AQP3: variants seen among roughly 807,000 people sequenced by gnomAD.
AQP3 encodes aquaporin 3 (Gill blood group), also known as aquaporin-3.
In AQP3, 15 loss-of-function variants were observed where a neutral mutation model predicts 30.3. The observed-to-expected ratio is 0.49, with a 90% CI of 0.33 to 0.76. AQP3 has a LOEUF of 0.76. AQP3 is among the 30% of genes least tolerant of loss of function. The pLI, the probability that AQP3 is intolerant of heterozygous loss-of-function variation, is 0.02. For synonymous variants in AQP3, 153 were observed against 163.2 expected, an observed-to-expected ratio of 0.94 and a Z score of 0.47; for missense variants, 272 against 384.8, an observed-to-expected ratio of 0.71 and a Z score of 2.45.
Position 33,447,011 on chromosome 9 carries a change from C to G in AQP3, c.108+412G>C, listed in dbSNP as rs1826922677. Among the ~76,000 whole-genome samples, 4 of 152,198 alleles carry G rather than the reference C, an allele frequency of 2.6e-5. No individual in the cohort carries two copies. The South Asian group carries it at 8.3e-4, about 32-fold the overall frequency. On this transcript the variant is annotated intron_variant, in intron 1 of 5. Coordinates refer to ENST00000297991, the MANE Select transcript of AQP3 (RefSeq NM_004925.5). ...GGCCAGACACCCAGGACCCAAATAA[C>G]CTAATAATGGCTCATTTGCCTCCGC...
intron 1 of AQP3, among the ~76,000 whole-genome samples, chr9:33,446,426 C>A (rs964960215): frequency 2.6e-5 from 4 of 152,166 alleles, no homozygotes; most frequent in Non-Finnish European, 4.4e-5. Context: ...TCTGTACTAC[C>A]CAGGGCTGGG....
At position 33,443,845 on chromosome 9, in the gene AQP3, G is replaced by T; in HGVS notation, c.156C>A (p.Thr52=). 1 of 1,614,004 alleles carries T rather than the reference G, an allele frequency of 6.2e-7. No homozygotes were observed. Among genetic ancestry groups the T allele is most frequent in the Non-Finnish European group, 8.5e-7 (1 of 1,179,998 alleles). ...SVAQVVLSRG[T]HGGFLTINLA... ...GGTTGATGGTGAGGAAACCACCGTG[G>T]GTGCCCCGGCTGAGCACAACCTGGG... Residue 52 remains threonine, a synonymous_variant, in exon 2 of 6, where the codon ACC becomes ACA. Coordinates refer to ENST00000297991, the MANE Select transcript of AQP3 (RefSeq NM_004925.5). The surrounding 1 kb of genome is among the most constrained non-coding windows in gnomAD (Gnocchi z 5.0).
intron 1 of AQP3, 134 bp downstream of exon 1, chr9:33,447,289 C>G: frequency 1.3e-6 from 1 of 783,436 alleles, no homozygotes; most frequent in Non-Finnish European, 2.2e-6. Context: ...TGATCCTCCG[C>G]GGTTAAGCGT....
intron 1 of AQP3, among the ~76,000 whole-genome samples, chr9:33,446,398 CCA>C (rs1286818307): frequency 3.9e-5 from 6 of 152,182 alleles, no homozygotes; most frequent in African/African-American, 1.2e-4. Flanking sequence ...GCTTCCTAGT[CCA>C]CAGTGGGCCA....
chr9:33,442,139 G>A lies in AQP3; in HGVS notation c.783C>T (p.Tyr261=). Residue 261 remains tyrosine (Y), a synonymous_variant, in exon 6 of 6, where the codon TAC becomes TAT. Transcript: ENST00000297991. The part of the protein sequence containing the change: ...LLGSIAGVFV[Y]QLMIGCHLEQ... The stretch of plus-strand genomic sequence containing the variant: ...CCAGGTGGCAGCCGATCATCAGCTG[G>A]TACACGAAGACACCCGCAATGGAGC... 1 of 1,613,624 alleles carries A rather than the reference G, an allele frequency of 6.2e-7. No homozygotes were observed. Among genetic ancestry groups the A allele is most frequent in the Non-Finnish European group, 8.5e-7 (1 of 1,180,042 alleles).
At chr9:33,445,690 A>G (rs1215529358) in intron 1 of AQP3, among the ~76,000 whole-genome samples, 1 of 151,614 alleles carries the variant, frequency 6.6e-6, no homozygotes, top group African/African-American at 2.4e-5. Context: ...TCCTCCCCCA[A>G]CCCCTGCCCT....
Position 33,443,383 on chromosome 9 carries a change from T to C in AQP3, c.311A>G (p.Tyr104Cys), listed in dbSNP as rs750041458. 10 of 1,603,878 alleles carry C rather than the reference T, an allele frequency of 6.2e-6. No homozygotes were observed. Among genetic ancestry groups the C allele is most frequent in the Non-Finnish European group, 8.5e-6 (10 of 1,175,460 alleles). The change falls in exon 3 of 6, where the codon TAC becomes TGC. Residue 104 changes from tyrosine (Y) to cysteine (C), a missense_variant. Physicochemically the swap from Tyr to Cys is radical, Grantham distance 194. Around this residue, in one of 3 missense-constraint regions of AQP3, gnomAD observed 170 missense variants for 286.4 expected, o/e 0.59. Transcript: ENST00000297991. This position sits in a 1 kb window ranked among gnomAD's most constrained non-coding sequence, Gnocchi z 5.0. ...AREPWIKLPI[Y>C]TLAQTLGAFL... Reference sequence around the variant, plus strand: ...GGCTCCCAGCGTCTGTGCCAGGGTGTAGATGGGCAGCTTGATCCAGGGCTC... The same window carrying C: ...GGCTCCCAGCGTCTGTGCCAGGGTGCAGATGGGCAGCTTGATCCAGGGCTC...
At chr9:33,447,392 G>C (rs750964888) in intron 1 of AQP3, 31 bp downstream of exon 1, 1 of 1,541,054 alleles carries the variant, frequency 6.5e-7, no homozygotes, top group Non-Finnish European at 8.8e-7. Flanking sequence ...GGGCTGGAGA[G>C]AGAAGGGCTT....
chr9:33,441,902 T>A lies in AQP3; in HGVS notation c.*141A>T. The A allele has an allele frequency of 2.3e-6, 3 of 1,322,378 alleles. No homozygotes were observed. Among genetic ancestry groups the A allele is most frequent in the Non-Finnish European group, 3.1e-6 (3 of 962,850 alleles). 81.9% of individuals were successfully genotyped at this position (1,322,378 alleles called of 1,614,324 possible). A position where few individuals can be genotyped will look rare whatever the true frequency, so the allele number is the denominator to read the frequency against. The stretch of plus-strand genomic sequence containing the variant: ...GGTCCAGTGGAAATCCTGAAGGGGC[T>A]GTCTCGTGGGGTGAGGGTAGATAGG... On this transcript the variant is annotated 3_prime_UTR_variant, in exon 6 of 6. Coordinates refer to ENST00000297991, the MANE Select transcript of AQP3 (RefSeq NM_004925.5).
intron 1 of AQP3, 100 bp downstream of exon 1, chr9:33,447,323 G>C (rs1182266218): frequency 1.8e-5 from 20 of 1,104,530 alleles, no homozygotes; most frequent in Non-Finnish European, 2.4e-5. Flanking sequence ...GGGGAGGTGG[G>C]TCCAGGCTAC....
chr9:33,447,385 CT>C (rs1159288977), intron 1 of AQP3, 37 bp downstream of exon 1: 1 of 1,517,374 alleles, frequency 6.6e-7, no homozygotes, highest in Admixed American at 1.9e-5. Flanking sequence ...AGTGCAAGGG[CT>C]GGAGAGAGAA....
Position 33,442,018 on chromosome 9 carries a change from G to T in AQP3, c.*25C>A, listed in dbSNP as rs1161454359. 6.2e-7 allele frequency: 1 copy of T among 1,610,568 alleles called. No individual in the cohort carries two copies. The highest frequency in any genetic ancestry group is 8.5e-7 in the Non-Finnish European group (1 of 1,178,218). On this transcript the variant is annotated 3_prime_UTR_variant, in exon 6 of 6. Coordinates refer to ENST00000297991, the MANE Select transcript of AQP3 (RefSeq NM_004925.5). ...GTGGATGCTCAAGGCCAGGGCAGCGGAGTGGGGAGATGGCCCCTGCCCACT... is the reference window on the plus strand; with the variant it reads ...GTGGATGCTCAAGGCCAGGGCAGCGTAGTGGGGAGATGGCCCCTGCCCACT...
Position 33,443,084 on chromosome 9 carries a change from G to A in AQP3, c.374-114C>T, listed in dbSNP as rs905568958. On this transcript the variant is annotated intron_variant, in intron 3 of 5. Transcript: ENST00000297991. This position sits in a 1 kb window ranked among gnomAD's most constrained non-coding sequence, Gnocchi z 5.0. The stretch of plus-strand genomic sequence containing the variant: ...GTTATGGGTAAGTAGCAATACTGCT[G>A]TATTGCAGCAGGCAGAGGGGGTGGC... The A allele has an allele frequency of 5.5e-6, 6 of 1,092,422 alleles. No individual in the cohort carries two copies. In the African/African-American group the frequency reaches 9.4e-5, roughly 17 times the overall value. The allele number at this position is 1,092,422 out of a possible 1,614,324, so 67.7% of individuals were successfully genotyped here.
intron 1 of AQP3, 97 bp downstream of exon 1, chr9:33,447,326 C>T: frequency 8.7e-7 from 1 of 1,144,600 alleles, no homozygotes; most frequent in Non-Finnish European, 1.3e-6. Context: ...GAGGTGGGTC[C>T]AGGCTACCTT....
chr9:33,444,493 G>C (rs1196756091), intron 1 of AQP3, among the ~76,000 whole-genome samples: 1 of 151,930 alleles, frequency 6.6e-6, no homozygotes, highest in African/African-American at 2.4e-5. Context: ...CCAGCTACTC[G>C]GGAGGCTGAG....
At chr9:33,447,333 C>T in intron 1 of AQP3, 90 bp downstream of exon 1, 2 of 1,211,016 alleles carry the variant, frequency 1.7e-6, no homozygotes, top group Non-Finnish European at 2.4e-6. Context: ...GTCCAGGCTA[C>T]CTTGGAAAAC....
Position 33,443,930 on chromosome 9 carries a change from A to G in AQP3, c.109-38T>C, listed in dbSNP as rs1826879336. 5 of 1,605,680 alleles carry G rather than the reference A, an allele frequency of 3.1e-6. No homozygotes were observed. The highest frequency in any genetic ancestry group is 1.1e-5 in the South Asian group (1 of 90,396). ...AGAACAGGCAGGGAGGGTGAGGACC[A>G]GCAACTCTCACTCCAGAAGGAAGGG... is the stretch of plus-strand genomic sequence containing the variant. On this transcript the variant is annotated intron_variant, in intron 1 of 5. Coordinates refer to ENST00000297991, the MANE Select transcript of AQP3 (RefSeq NM_004925.5). The surrounding 1 kb of genome is among the most constrained non-coding windows in gnomAD (Gnocchi z 5.0).
chr9:33,443,245 T>A lies in AQP3; in HGVS notation c.373+76A>T. 1 of 1,542,668 alleles carries A rather than the reference T, an allele frequency of 6.5e-7. No homozygotes were observed. Reference sequence around the variant, plus strand: ...CTGGGCAGGTCCTAGCCGTCTGTCATCAAAAGGCCTGGTGCCAGCAGGTCC... The same window carrying A: ...CTGGGCAGGTCCTAGCCGTCTGTCAACAAAAGGCCTGGTGCCAGCAGGTCC... On this transcript the variant is annotated intron_variant, in intron 3 of 5. Transcript: ENST00000297991. The surrounding 1 kb of genome is among the most constrained non-coding windows in gnomAD (Gnocchi z 5.0).
At chr9:33,444,037 G>A in intron 1 of AQP3, 145 bp from the exon 2 acceptor site, 2 of 1,051,616 alleles carry the variant, frequency 1.9e-6, no homozygotes, top group Non-Finnish European at 2.7e-6. Context: ...CCCTTCTGCT[G>A]TAATTGCACT....
Sources: gnomAD v4.1 joint callset for allele counts (sites outside exome capture counted in the v4.1 genomes callset) on GRCh38, gnomAD v4.1.1 for gene constraint, gnomAD v4.1.1 regional missense constraint, Gnocchi (gnomAD v3.1) non-coding constraint, MANE v1.5 for transcripts, NCBI Gene and HGNC (gene_info 2026-07-23, HGNC 2026-07-21) for gene names.